CD247: variants seen among roughly 807,000 people sequenced by gnomAD.
CD247 encodes the protein T-cell surface glycoprotein CD3 zeta chain.
A neutral mutation model predicts 30.0 loss-of-function variants in CD247; 13 were observed. The ratio of observed to expected loss-of-function variants is 0.43; its 90% CI spans 0.28 to 0.69. The LOEUF is 0.69. Among genes scored for constraint, CD247 ranks in the 30% least tolerant of loss-of-function variants. The pLI, the probability that CD247 is intolerant of heterozygous loss-of-function variation, is 0.16. For missense variants in CD247, 193 were observed against 212.6 expected (o/e 0.91, Z 0.57); for synonymous variants, 72 against 80.0 (o/e 0.90, Z 0.53).
intron 1 of CD247, among the ~76,000 whole-genome samples, chr1:167,502,889 A>G (rs1181777491): frequency 6.6e-6 from 1 of 152,212 alleles, no homozygotes; most frequent in East Asian, 1.9e-4. Flanking sequence ...CACAGCCCTC[A>G]GAAGGAACCA....
At chr1:167,506,225 C>A (rs751912453) in intron 1 of CD247, among the ~76,000 whole-genome samples, 1 of 59,918 alleles carries the variant, frequency 1.7e-5, no homozygotes, top group Non-Finnish European at 3.1e-5. Context: ...TTTCTTTTTT[C>A]TTTTCTTTTC....
chr1:167,466,651 C>T (rs1182780307), intron 1 of CD247, among the ~76,000 whole-genome samples: 4 of 152,082 alleles, frequency 2.6e-5, no homozygotes, highest in African/African-American at 9.7e-5. Flanking sequence ...TTTTCATATG[C>T]ACATATATAC....
intron 1 of CD247, among the ~76,000 whole-genome samples, chr1:167,492,546 GCTT>G (rs1654499317): frequency 6.6e-6 from 1 of 152,234 alleles, no homozygotes; most frequent in South Asian, 2.1e-4. Flanking sequence ...CTTCTGTGAA[GCTT>G]CTTAACTAGC....
At chr1:167,490,406 C>T (rs1474740649) in intron 1 of CD247, among the ~76,000 whole-genome samples, 2 of 152,038 alleles carry the variant, frequency 1.3e-5, no homozygotes, top group Admixed American at 6.6e-5. Context: ...GGGTGGATCA[C>T]GAGGTCAGGA....
chr1:167,439,045 C>A (rs942112307), intron 3 of CD247, among the ~76,000 whole-genome samples: 1 of 152,196 alleles, frequency 6.6e-6, no homozygotes, highest in African/African-American at 2.4e-5. Context: ...TCTCCACCCC[C>A]CTCTAGCCTT....
At chr1:167,509,544 A>G (rs1231977203) in intron 1 of CD247, among the ~76,000 whole-genome samples, 1 of 152,146 alleles carries the variant, frequency 6.6e-6, no homozygotes, top group Non-Finnish European at 1.5e-5. Flanking sequence ...AATACATAGG[A>G]TGGACACTGT....
intron 1 of CD247, among the ~76,000 whole-genome samples, chr1:167,495,245 G>A (rs925353741): frequency 1.3e-5 from 2 of 152,182 alleles, no homozygotes; most frequent in Non-Finnish European, 2.9e-5. Flanking sequence ...CTAAGCCTCA[G>A]TTTCTTCAAC....
At chr1:167,504,681 C>T (rs1331616538) in intron 1 of CD247, among the ~76,000 whole-genome samples, 1 of 152,170 alleles carries the variant, frequency 6.6e-6, no homozygotes, top group Non-Finnish European at 1.5e-5. Flanking sequence ...AGCAGAGATG[C>T]CATTGATTTA....
At chr1:167,458,853 G>C (rs1157131649) in intron 1 of CD247, among the ~76,000 whole-genome samples, 3 of 151,806 alleles carry the variant, frequency 2.0e-5, no homozygotes, top group Non-Finnish European at 4.4e-5. Flanking sequence ...TGGGAGCAAT[G>C]GCTCACGCCT....
intron 6 of CD247, 83 bp downstream of exon 6, chr1:167,433,926 GGGATGAGAAGT>G: frequency 1.8e-6 from 2 of 1,137,560 alleles, no homozygotes; most frequent in Non-Finnish European, 2.7e-6. Flanking sequence ...ATTTGCAGCT[GGGATGAGAAGT>G]GGATGGGAAA....
At chr1:167,456,490 T>G (rs1652677922) in intron 1 of CD247, among the ~76,000 whole-genome samples, 1 of 152,192 alleles carries the variant, frequency 6.6e-6, no homozygotes, top group African/African-American at 2.4e-5. Flanking sequence ...AAAAGGTAGT[T>G]CTAGAGTGAG....
intron 1 of CD247, among the ~76,000 whole-genome samples, chr1:167,468,144 T>C (rs1239953111): frequency 6.6e-6 from 1 of 152,062 alleles, no homozygotes; most frequent in African/African-American, 2.4e-5. Context: ...CTTTATGTGA[T>C]ACCCAATGAG....
intron 1 of CD247, among the ~76,000 whole-genome samples, chr1:167,487,180 C>T (rs1654246873): frequency 7.9e-6 from 1 of 126,396 alleles, no homozygotes; most frequent in Non-Finnish European, 1.7e-5. Context: ...AGTTCAAGAC[C>T]AGCCTGGCCA....
chr1:167,482,403 C>T (rs914029355), intron 1 of CD247, among the ~76,000 whole-genome samples: 1 of 152,236 alleles, frequency 6.6e-6, no homozygotes, highest in Non-Finnish European at 1.5e-5. Context: ...CAGGGCTTTG[C>T]CTGGGTTTGT....
chr1:167,498,124 C>T (rs1654771244), intron 1 of CD247, among the ~76,000 whole-genome samples: 1 of 152,190 alleles, frequency 6.6e-6, no homozygotes, highest in South Asian at 2.1e-4. Context: ...TCCCCCAGTC[C>T]TGGCCAAAGG....
chr1:167,452,358 G>A (rs1233217140), intron 1 of CD247, among the ~76,000 whole-genome samples: 1 of 150,978 alleles, frequency 6.6e-6, no homozygotes, highest in Non-Finnish European at 1.5e-5. Flanking sequence ...AGGCTGCAGT[G>A]AGCCGAGATT....
At chr1:167,450,435 A>G (rs1328642342) in intron 1 of CD247, among the ~76,000 whole-genome samples, 1 of 152,170 alleles carries the variant, frequency 6.6e-6, no homozygotes, top group Admixed American at 6.5e-5. Context: ...TCAAAACTGC[A>G]GTGAGCCCTG....
chr1:167,482,884 G>A (rs1032986879), intron 1 of CD247, among the ~76,000 whole-genome samples: 3 of 152,062 alleles, frequency 2.0e-5, no homozygotes, highest in African/African-American at 4.8e-5. Flanking sequence ...AATGTGGGGA[G>A]GGGGAAGGTC....
rs1651720008 is a variant in CD247, at chr1:167,439,521, T to A, written c.163-121A>T. 3.6e-6 allele frequency: 3 copies of A among 835,452 alleles called. No homozygotes were observed. The Admixed American group carries it at 5.8e-5, about 16-fold the overall frequency. 51.8% of individuals were successfully genotyped at this position (835,452 alleles called of 1,614,324 possible). A position where few individuals can be genotyped will look rare whatever the true frequency, so the allele number is the denominator to read the frequency against. On this transcript the variant is annotated intron_variant, in intron 2 of 7. Coordinates refer to ENST00000362089, the MANE Select transcript of CD247 (RefSeq NM_198053.3). ...TCCGCTCCTTGGCAACTAACAATGCTGCCCTGCCTCCTGGGGCTGAGCCCT... is the reference window on the plus strand; with the variant it reads ...TCCGCTCCTTGGCAACTAACAATGCAGCCCTGCCTCCTGGGGCTGAGCCCT...
Sources: allele counts gnomAD v4.1 joint callset (sites outside exome capture counted in the v4.1 genomes callset), GRCh38; gene constraint gnomAD v4.1.1; transcripts MANE v1.5; gene names NCBI Gene and HGNC (gene_info 2026-07-23, HGNC 2026-07-21).